Variants in PHKB observed in about 807,000 individuals in gnomAD.
PHKB encodes phosphorylase kinase regulatory subunit beta.
Under a neutral mutation model 152.1 loss-of-function variants are expected in PHKB, and 122 were observed. The ratio of observed to expected loss-of-function variants is 0.80; its 90% confidence interval spans 0.69 to 0.93. The LOEUF (loss-of-function observed/expected upper bound fraction) is 0.93. PHKB is among the 40% of genes least tolerant of loss of function. The pLI is 0.00. For missense variants in PHKB, 1,304 were observed against 1,328.4 expected (o/e 0.98, Z 0.29); for synonymous variants, 436 against 464.9 (o/e 0.94, Z 0.80).
At chr16:47,526,931 CT>C in intron 6 of PHKB, among the ~76,000 whole-genome samples, 1 of 152,148 alleles carries the variant, frequency 6.6e-6, no homozygotes, top group Admixed American at 6.5e-5. Context: ...CCTCAGGGAA[CT>C]TTTCCTCAAG....
At chr16:47,515,495 C>A (rs199502015) in intron 5 of PHKB, 26 bp from the exon 6 acceptor site, 1 of 1,052,702 alleles carries the variant, frequency 9.5e-7, no homozygotes, top group Non-Finnish European at 1.5e-6. Flanking sequence ...TTTCCTTTAA[C>A]CTTTTAATGT....
intron 6 of PHKB, 53 bp downstream of exon 6, chr16:47,515,654 T>A: frequency 2.3e-6 from 1 of 443,690 alleles, no homozygotes; most frequent in Non-Finnish European, 4.2e-6. Context: ...AAAATATCTA[T>A]TTTTTTTTTT....
intron 16 of PHKB, among the ~76,000 whole-genome samples, chr16:47,642,124 CA>C: frequency 6.6e-6 from 1 of 151,522 alleles, no homozygotes; most frequent in East Asian, 1.9e-4. Context: ...CTTTGATTAT[CA>C]AAAAATATTT....
chr16:47,565,642 A>C, intron 7 of PHKB: 5 of 1,137,952 alleles, frequency 4.4e-6, no homozygotes, highest in Non-Finnish European at 6.7e-6. Context: ...GTCTGTGATG[A>C]CTCACTTCCT....
intron 1 of PHKB, among the ~76,000 whole-genome samples, chr16:47,476,063 T>C (rs1597014099): frequency 6.6e-6 from 1 of 152,058 alleles, no homozygotes; most frequent in African/African-American, 2.4e-5. Flanking sequence ...AGGGACAGGA[T>C]CTTGCTATGT....
chr16:47,517,193 G>T (rs1419036661), intron 6 of PHKB, among the ~76,000 whole-genome samples: 2 of 151,742 alleles, frequency 1.3e-5, no homozygotes, highest in East Asian at 3.9e-4. Flanking sequence ...AACATCTTAT[G>T]ATAACCGTTT....
At chr16:47,593,433 T>G in intron 10 of PHKB, 67 bp from the exon 11 acceptor site, 3 of 881,742 alleles carry the variant, frequency 3.4e-6, no homozygotes, top group Non-Finnish European at 1.8e-6. Context: ...GAGTGAGATC[T>G]TGTCTCAAAA....
intron 16 of PHKB, among the ~76,000 whole-genome samples, chr16:47,647,520 C>T (rs1233389575): frequency 6.8e-6 from 1 of 147,940 alleles, no homozygotes; most frequent in Non-Finnish European, 1.5e-5. Flanking sequence ...TTTTTTGAGA[C>T]GGAGTCTCGC....
At chr16:47,693,984 A>C (rs1216554771) in intron 28 of PHKB, among the ~76,000 whole-genome samples, 1 of 152,240 alleles carries the variant, frequency 6.6e-6, no homozygotes, top group African/African-American at 2.4e-5. Flanking sequence ...GGGGCCTCAC[A>C]AACAGTAAAG....
intron 13 of PHKB, among the ~76,000 whole-genome samples, chr16:47,603,976 A>G (rs1438859499): frequency 6.6e-6 from 1 of 152,206 alleles, no homozygotes; most frequent in African/African-American, 2.4e-5. Context: ...TGACTAGCAG[A>G]GTTTATTGAT....
chr16:47,578,212 G>C (rs1215975439), intron 7 of PHKB, among the ~76,000 whole-genome samples: 2 of 152,008 alleles, frequency 1.3e-5, no homozygotes, highest in Non-Finnish European at 2.9e-5. Context: ...TTTTTGATTT[G>C]TTTCAAGCAT....
intron 14 of PHKB, among the ~76,000 whole-genome samples, chr16:47,616,157 G>A (rs903485067): frequency 4.6e-5 from 7 of 151,856 alleles, no homozygotes; most frequent in Admixed American, 3.3e-4. Flanking sequence ...TTTGAAGCAC[G>A]GAAGTTTCTA....
intron 26 of PHKB, among the ~76,000 whole-genome samples, chr16:47,683,655 T>C (rs573265131): frequency 3.0e-4 from 45 of 152,310 alleles, no homozygotes; most frequent in African/African-American, 9.9e-4. Context: ...TTCCAGGTGC[T>C]GTCTGTCACC....
intron 7 of PHKB, among the ~76,000 whole-genome samples, chr16:47,550,193 T>G (rs1257686257): frequency 2.0e-5 from 3 of 152,216 alleles, no homozygotes; most frequent in Non-Finnish European, 4.4e-5. Flanking sequence ...TTGAACTCCA[T>G]GTGCTCACGG....
At chr16:47,603,428 A>C (rs1437177839) in intron 13 of PHKB, among the ~76,000 whole-genome samples, 1 of 152,040 alleles carries the variant, frequency 6.6e-6, no homozygotes, top group Non-Finnish European at 1.5e-5. Context: ...AAACATCGGG[A>C]AGCACATGTA....
At chr16:47,622,486 G>A (rs1328006335) in intron 14 of PHKB, among the ~76,000 whole-genome samples, 1 of 152,086 alleles carries the variant, frequency 6.6e-6, no homozygotes, top group African/African-American at 2.4e-5. Flanking sequence ...CTGTCATGCA[G>A]GTGAATAAAA....
chr16:47,698,601 C>CTTTTTTTTTTTTTTT lies in PHKB; in HGVS notation c.3144+20_3144+34dup. On this transcript the variant is annotated intron_variant, in intron 30 of 30. Coordinates refer to ENST00000323584, the MANE Select transcript of PHKB (RefSeq NM_000293.3). ...AATTGAAAAACAAGTAAGTACACAG[C>CTTTTTTTTTTTTTTT]TTTTTTTTTTTTTTTTTTTTTGAGA... is the stretch of plus-strand genomic sequence containing the variant. The CTTTTTTTTTTTTTTT allele has an allele frequency of 1.4e-6, 1 of 730,290 alleles. No homozygotes were observed. Among genetic ancestry groups the CTTTTTTTTTTTTTTT allele is most frequent in the Non-Finnish European group, 1.8e-6 (1 of 550,892 alleles). The allele number at this position is 730,290 out of a possible 1,614,324, so 45.2% of individuals were successfully genotyped here.
At chr16:47,640,051 G>A (rs978748816) in intron 14 of PHKB, among the ~76,000 whole-genome samples, 1 of 152,156 alleles carries the variant, frequency 6.6e-6, no homozygotes, top group Admixed American at 6.5e-5. Context: ...TAAATCACAT[G>A]AAAGTCTGCG....
chr16:47,632,029 C>T (rs1257565545), intron 14 of PHKB, among the ~76,000 whole-genome samples: 2 of 152,136 alleles, frequency 1.3e-5, no homozygotes, highest in South Asian at 2.1e-4. Flanking sequence ...AACAAGCTGT[C>T]GTGTATTTCC....
Sources: gnomAD v4.1 joint callset for allele counts (sites outside exome capture counted in the v4.1 genomes callset) on GRCh38, gnomAD v4.1.1 for gene constraint, MANE v1.5 for transcripts, NCBI Gene and HGNC (gene_info 2026-07-23, HGNC 2026-07-21) for gene names.